LRP1B: variants seen among roughly 807,000 people sequenced by gnomAD.
LRP1B encodes the protein low-density lipoprotein receptor-related protein 1B.
Under a neutral mutation model 556.6 loss-of-function variants are expected in LRP1B, and 217 were observed. The ratio of observed to expected loss-of-function variants is 0.39; its 90% confidence interval spans 0.35 to 0.44. LRP1B has a LOEUF of 0.44. Among genes scored for constraint, LRP1B ranks in the 20% least tolerant of loss-of-function variants. LRP1B has a pLI of 1.00. For synonymous variants in LRP1B, 2,047 were observed against 1,865.8 expected, an observed-to-expected ratio of 1.10 and a Z score of -2.50; for missense variants, 5,053 against 5,620.8, an observed-to-expected ratio of 0.90 and a Z score of 3.23.
At chr2:140,899,726 C>G (rs1197477173) in intron 23 of LRP1B, among the ~76,000 whole-genome samples, 1 of 152,112 alleles carries the variant, frequency 6.6e-6, no homozygotes, top group African/African-American at 2.4e-5. Context: ...CAATACAACA[C>G]TAAAAAATGT....
chr2:140,965,679 A>G (rs77469751), intron 18 of LRP1B, among the ~76,000 whole-genome samples: 2 of 152,130 alleles, frequency 1.3e-5, no homozygotes, highest in Non-Finnish European at 2.9e-5. Flanking sequence ...TACATTAGGT[A>G]TATCTCCTAA....
intron 43 of LRP1B, among the ~76,000 whole-genome samples, chr2:140,578,809 T>C (rs1368126399): frequency 6.6e-6 from 1 of 152,158 alleles, no homozygotes; most frequent in Admixed American, 6.5e-5. Flanking sequence ...TAAGTACTTA[T>C]TACTACCTAA....
intron 11 of LRP1B, among the ~76,000 whole-genome samples, chr2:141,037,438 A>G (rs548851782): frequency 6.6e-6 from 1 of 152,190 alleles, no homozygotes; most frequent in Admixed American, 6.6e-5. Flanking sequence ...TGGTGCCTCT[A>G]TGAGGACTTT....
chr2:141,108,715 T>A (rs969700905), intron 7 of LRP1B, among the ~76,000 whole-genome samples: 2 of 152,124 alleles, frequency 1.3e-5, no homozygotes, highest in African/African-American at 4.8e-5. Context: ...TCTAATACCA[T>A]TGAATGAATA....
chr2:141,669,154 TA>T (rs1478826768), intron 2 of LRP1B, among the ~76,000 whole-genome samples: 1 of 151,798 alleles, frequency 6.6e-6, no homozygotes, highest in African/African-American at 2.4e-5. Context: ...TATTTGGAGA[TA>T]GGGGCTTTGA....
chr2:140,334,591 G>A (rs1488327355), intron 78 of LRP1B, 32 bp from the exon 79 acceptor site: 3 of 1,259,804 alleles, frequency 2.4e-6, no homozygotes, highest in Non-Finnish European at 3.3e-6. Context: ...GGTTAGCCTG[G>A]TGATGGTGCT....
At chr2:140,421,699 A>T (rs1464213) in intron 66 of LRP1B, among the ~76,000 whole-genome samples, 74,859 of 152,074 alleles carry the variant, frequency 0.49, 18,556 homozygotes, top group Non-Finnish European at 0.53. Context: ...AGTTAAGTAC[A>T]CATATATCTT....
In LRP1B at chr2:142,130,921, T is replaced by TG; in HGVS notation, c.-193dup. The stretch of plus-strand genomic sequence containing the variant: ...CCTGCCTGGAGCAGGATGTGGAAGG[T>TG]GGAGGGATGCGCGCGTGCGGGAGAG... On this transcript the variant is annotated 5_prime_UTR_variant, in exon 1 of 91. Coordinates refer to ENST00000389484, the MANE Select transcript of LRP1B (RefSeq NM_018557.3). 1 of 627,050 alleles carries TG rather than the reference T, an allele frequency of 1.6e-6. No homozygotes were observed. The highest frequency in any genetic ancestry group is 2.9e-6 in the Non-Finnish European group (1 of 349,156). 38.8% of individuals were successfully genotyped at this position (627,050 alleles called of 1,614,324 possible). A position where few individuals can be genotyped will look rare whatever the true frequency, so the allele number is the denominator to read the frequency against.
rs567869438 is a variant in LRP1B, at chr2:141,797,957, T to C, written c.205+12322A>G. ...GAAGACTAGAAACCTATGACAATTA[T>C]AGGCAATGCATTATCCTTGGTTGGA... On this transcript the variant is annotated intron_variant, in intron 2 of 90. Transcript: ENST00000389484. 2.3e-4 allele frequency among the ~76,000 whole-genome samples: 35 copies of C among 152,314 alleles called. 1 individual carries two copies. The East Asian group carries it at 6.0e-3, about 26-fold the overall frequency.
rs556281200 is a variant in LRP1B, at chr2:140,437,179, A to G, written c.10414+5325T>C. On this transcript the variant is annotated intron_variant, in intron 66 of 90. Coordinates refer to ENST00000389484, the MANE Select transcript of LRP1B (RefSeq NM_018557.3). ...GCACTTCACAGTCAGATTAGAGCAC[A>G]GAGTGCAGATCAGACCAACCCCCAT... 5.3e-5 allele frequency among the ~76,000 whole-genome samples: 8 copies of G among 152,302 alleles called. No individual in the cohort carries two copies. The South Asian group carries it at 6.2e-4, about 12-fold the overall frequency.
chr2:141,101,390 C>G (rs1452662411), intron 7 of LRP1B, among the ~76,000 whole-genome samples: 1 of 151,996 alleles, frequency 6.6e-6, no homozygotes, highest in African/African-American at 2.4e-5. Context: ...GTCTATTATA[C>G]TGAATAAAGG....
At chr2:141,297,753 C>T (rs531734165) in intron 3 of LRP1B, among the ~76,000 whole-genome samples, 12 of 152,260 alleles carry the variant, frequency 7.9e-5, no homozygotes, top group Admixed American at 2.6e-4. Context: ...CCATATACAA[C>T]GGTGCTCCCT....
At chr2:141,233,183 A>G (rs1683534213) in intron 5 of LRP1B, among the ~76,000 whole-genome samples, 1 of 152,230 alleles carries the variant, frequency 6.6e-6, no homozygotes, top group African/African-American at 2.4e-5. Context: ...CTGTGTCAAC[A>G]CTTAGTGAGA....
chr2:140,322,922 T>A (rs1680230396), intron 81 of LRP1B, among the ~76,000 whole-genome samples: 1 of 151,372 alleles, frequency 6.6e-6, no homozygotes, highest in South Asian at 2.1e-4. Context: ...AAAAAAGAAC[T>A]GGAGGATGAG....
At chr2:141,743,501 C>CTTTTTTTTTTTTTTTTTTTT (rs796287062) in intron 2 of LRP1B, among the ~76,000 whole-genome samples, 11 of 119,026 alleles carry the variant, frequency 9.2e-5, no homozygotes, top group East Asian at 4.9e-4. Flanking sequence ...TTTTTTTTTT[C>CTTTTTTTTTTTTTTTTTTTT]TTTTTTTTTT....
At chr2:141,159,966 G>A (rs1394414462) in intron 7 of LRP1B, among the ~76,000 whole-genome samples, 1 of 152,000 alleles carries the variant, frequency 6.6e-6, no homozygotes, top group Non-Finnish European at 1.5e-5. Flanking sequence ...CACAGAGAGG[G>A]TAACAACACA....
At chr2:142,071,905 A>C (rs546454313) in intron 1 of LRP1B, among the ~76,000 whole-genome samples, 40 of 152,004 alleles carry the variant, frequency 2.6e-4, no homozygotes, top group African/African-American at 9.6e-4. Flanking sequence ...CAAAATGGAG[A>C]TTACTAACTT....
chr2:141,479,765 C>T, intron 3 of LRP1B, among the ~76,000 whole-genome samples: 1 of 152,112 alleles, frequency 6.6e-6, no homozygotes, highest in South Asian at 2.1e-4. Flanking sequence ...CTCCCCACTC[C>T]ACCCCGCACT....
At chr2:141,046,178 ATGTT>A (rs998836933) in intron 11 of LRP1B, among the ~76,000 whole-genome samples, 7 of 152,152 alleles carry the variant, frequency 4.6e-5, no homozygotes, top group Non-Finnish European at 7.4e-5. Flanking sequence ...CAAGATATTT[ATGTT>A]TATTTACAAA....
Sources: gnomAD v4.1 joint callset for allele counts (sites outside exome capture counted in the v4.1 genomes callset) on GRCh38, gnomAD v4.1.1 for gene constraint, MANE v1.5 for transcripts, NCBI Gene and HGNC (gene_info 2026-07-23, HGNC 2026-07-21) for gene names.